The following STK24 variants were observed in gnomAD, a reference collection of about 807,000 sequenced individuals.
The protein encoded by STK24 is serine/threonine kinase 24.
In STK24, 21 loss-of-function variants were observed where a neutral mutation model predicts 55.6. That is an observed-to-expected ratio of 0.38 (90% CI 0.27 to 0.54). The LOEUF is 0.54. Ranked by LOEUF, STK24 falls within the 20% of genes least tolerant of loss-of-function variation. STK24 has a pLI of 0.79. For missense variants in STK24, 383 were observed against 538.4 expected (o/e 0.71, Z 2.86); for synonymous variants, 200 against 215.2 (o/e 0.93, Z 0.62).
chr13:98,465,163 C>G (rs1386968064), intron 6 of STK24, among the ~76,000 whole-genome samples: 1 of 152,202 alleles, frequency 6.6e-6, no homozygotes, highest in African/African-American at 2.4e-5. Context: ...ACCCAAACAC[C>G]GAGTCGAACC....
At chr13:98,486,183 T>C (rs1315709726) in intron 2 of STK24, among the ~76,000 whole-genome samples, 2 of 147,582 alleles carry the variant, frequency 1.4e-5, no homozygotes, top group African/African-American at 5.1e-5. Context: ...TCTGCACATG[T>C]ACCCCAGAAC....
chr13:98,555,059 T>G (rs1017393820), intron 1 of STK24, among the ~76,000 whole-genome samples: 1 of 149,086 alleles, frequency 6.7e-6, no homozygotes. Context: ...TTTAAGAACA[T>G]GATCACCCAA....
chr13:98,458,296 C>A (rs931260651), intron 9 of STK24, among the ~76,000 whole-genome samples: 1 of 152,192 alleles, frequency 6.6e-6, no homozygotes, highest in African/African-American at 2.4e-5. Context: ...TGGCTCAGAA[C>A]TCAACAGAAG....
intron 1 of STK24, among the ~76,000 whole-genome samples, chr13:98,561,954 G>A (rs1405567857): frequency 1.5e-5 from 2 of 135,936 alleles, no homozygotes; most frequent in Non-Finnish European, 3.1e-5. Context: ...TCCAGCCTGG[G>A]TCAACAGAGT....
intron 1 of STK24, among the ~76,000 whole-genome samples, chr13:98,561,894 T>G (rs1214291453): frequency 6.6e-6 from 1 of 150,640 alleles, no homozygotes. Context: ...TGGGAATCGC[T>G]TGAACCCGGG....
rs1233617154 is a variant in STK24, at chr13:98,576,843, G to C, written c.-57C>G. 5.6e-5 allele frequency: 61 copies of C among 1,094,276 alleles called. No homozygotes were observed. Among genetic ancestry groups the C allele is most frequent in the Non-Finnish European group, 5.5e-5 (50 of 901,142 alleles). 67.8% of individuals were successfully genotyped at this position (1,094,276 alleles called of 1,614,324 possible). A position where few individuals can be genotyped will look rare whatever the true frequency, so the allele number is the denominator to read the frequency against. On this transcript the variant is annotated 5_prime_UTR_variant, in exon 1 of 11. Coordinates refer to ENST00000539966, the MANE Select transcript of STK24 (RefSeq NM_001032296.4). ...ACGGCCGGGCCGCGACGATCCGCGC[G>C]GGGCGGCGAGGCCCGCGGGCCGCGC... is the stretch of plus-strand genomic sequence containing the variant.
chr13:98,475,672 C>G (rs534985900), intron 3 of STK24, among the ~76,000 whole-genome samples: 1 of 152,076 alleles, frequency 6.6e-6, no homozygotes, highest in Non-Finnish European at 1.5e-5. Context: ...ATGGCAGGGG[C>G]GGGGCGCAGG....
intron 10 of STK24, chr13:98,455,230 A>G (rs1893397228): frequency 6.6e-6 from 1 of 152,236 alleles, no homozygotes; most frequent in African/African-American, 2.4e-5. Flanking sequence ...TATGGCTACT[A>G]GAAAATGTAA....
chr13:98,565,355 C>T (rs1465515297), intron 1 of STK24, among the ~76,000 whole-genome samples: 3 of 152,034 alleles, frequency 2.0e-5, no homozygotes, highest in African/African-American at 4.8e-5. Context: ...GGGCTGGGCG[C>T]GGTGGCTCAC....
At chr13:98,517,619 G>A (rs779616671) in intron 2 of STK24, among the ~76,000 whole-genome samples, 3 of 152,122 alleles carry the variant, frequency 2.0e-5, no homozygotes, top group Non-Finnish European at 2.9e-5. Context: ...TACACAGCAC[G>A]ACTCCATCTC....
rs551523875 is a variant in STK24, at chr13:98,530,115, A to G, written c.43-10642T>C. Among the ~76,000 whole-genome samples, 248 of 28,848 alleles carry G rather than the reference A, an allele frequency of 8.6e-3. 1 individual carries two copies. The highest frequency in any genetic ancestry group is 0.028 in the African/African-American group (227 of 8,084). The allele number at this position is 28,848 out of a possible 152,430, so 18.9% of individuals were successfully genotyped here. ...AACACACACAGATATACACACACAC[A>G]CGCACACACACACACAGAGCTGTCA... On this transcript the variant is annotated intron_variant, in intron 1 of 10. Transcript: ENST00000539966.
intron 1 of STK24, among the ~76,000 whole-genome samples, chr13:98,571,468 A>G (rs1897737968): frequency 6.6e-6 from 1 of 152,158 alleles, no homozygotes; most frequent in African/African-American, 2.4e-5. Flanking sequence ...TTTATGTGAC[A>G]TGCTATCAAG....
chr13:98,459,671 A>G (rs1893618928), intron 9 of STK24, among the ~76,000 whole-genome samples: 1 of 152,266 alleles, frequency 6.6e-6, no homozygotes, highest in African/African-American at 2.4e-5. Context: ...AAAACTGCCC[A>G]AAGAGGGAAG....
intron 1 of STK24, among the ~76,000 whole-genome samples, chr13:98,525,554 A>G (rs1032727706): frequency 1.3e-5 from 2 of 152,216 alleles, no homozygotes; most frequent in African/African-American, 2.4e-5. Context: ...CCCTGGACTC[A>G]GCACTCAAAA....
At chr13:98,457,767 G>A (rs1445833153) in intron 9 of STK24, among the ~76,000 whole-genome samples, 1 of 152,178 alleles carries the variant, frequency 6.6e-6, no homozygotes, top group Non-Finnish European at 1.5e-5. Flanking sequence ...ACTGTGCCCG[G>A]CCCGGGTTCC....
At chr13:98,482,372 A>AT (rs371058047) in intron 2 of STK24, 51 bp from the exon 3 acceptor site, 52 of 1,138,844 alleles carry the variant, frequency 4.6e-5, no homozygotes, top group East Asian at 3.4e-4. Context: ...ATCCAGGAAA[A>AT]TTTTTTTTAA....
chr13:98,557,082 A>G (rs1387038131), intron 1 of STK24, among the ~76,000 whole-genome samples: 1 of 152,218 alleles, frequency 6.6e-6, no homozygotes, highest in African/African-American at 2.4e-5. Context: ...CATTCAGAGC[A>G]GAACCTGCTT....
At chr13:98,519,939 A>G (rs556607577) in intron 1 of STK24, among the ~76,000 whole-genome samples, 1 of 152,308 alleles carries the variant, frequency 6.6e-6, no homozygotes, top group Non-Finnish European at 1.5e-5. Context: ...AGAAAAAAAA[A>G]CGTATACCGT....
At chr13:98,534,579 C>T (rs1296419728) in intron 1 of STK24, among the ~76,000 whole-genome samples, 1 of 152,102 alleles carries the variant, frequency 6.6e-6, no homozygotes, top group Non-Finnish European at 1.5e-5. Context: ...TCTGAACCTC[C>T]CAAAACTGCT....
Sources: gnomAD v4.1 joint callset for allele counts (sites outside exome capture counted in the v4.1 genomes callset) on GRCh38, gnomAD v4.1.1 for gene constraint, MANE v1.5 for transcripts, NCBI Gene and HGNC (gene_info 2026-07-23, HGNC 2026-07-21) for gene names.